The following FOXN3 variants were observed in gnomAD, a reference collection of about 807,000 sequenced individuals.
FOXN3 encodes forkhead box protein N3.
Under a neutral mutation model 38.4 loss-of-function variants are expected in FOXN3, and 7 were observed. The observed-to-expected ratio is 0.18, with a 90% CI of 0.10 to 0.34. The LOEUF (loss-of-function observed/expected upper bound fraction) is 0.34. FOXN3 is among the 10% of genes least tolerant of loss of function. The pLI is 1.00. For missense variants in FOXN3, 456 were observed against 613.4 expected (o/e 0.74, Z 2.71); for synonymous variants, 230 against 242.2 (o/e 0.95, Z 0.47).
At position 89,450,221 on chromosome 14, in the gene FOXN3, A is replaced by T. The variant is rs536145412; in HGVS notation, c.-14-37731T>A. 2.0e-5 allele frequency among the ~76,000 whole-genome samples: 3 copies of T among 152,262 alleles called. No homozygotes were observed. In the East Asian group the frequency reaches 5.8e-4, roughly 29 times the overall value. ...CCTACCCTTACATGAGCCTTCCCCA[A>T]TGTTGTTGTACCTGAATCTCTGTCT... is the stretch of plus-strand genomic sequence containing the variant. On this transcript the variant is annotated intron_variant, in intron 1 of 6. Coordinates refer to the FOXN3 transcript ENST00000345097.
rs1336626510 is a variant in FOXN3, at chr14:89,280,987, G to A, written c.708C>T (p.Gly236=). The A allele has an allele frequency of 1.9e-6, 3 of 1,613,846 alleles. No homozygotes were observed. In the South Asian group the frequency reaches 3.3e-5, roughly 18 times the overall value. The change falls in exon 4 of 6, where the codon GGC becomes GGT. Residue 236 remains glycine (G), a synonymous_variant. Coordinates refer to ENST00000557258, the MANE Select transcript of FOXN3 (RefSeq NM_005197.4). The stretch of plus-strand genomic sequence containing the variant: ...CTCCATTTCTCTTGAAGAAGGTACT[G>A]CCCGGCCAGATGGGTGGACCTGATG... ...QSTSGPPIWP[G]STFFKRNGAL...
rs1294900149 is a variant in FOXN3 at position 89,370,182 on chromosome 14, T to C, written c.544-19374A>G. 6.6e-5 allele frequency among the ~76,000 whole-genome samples: 10 copies of C among 152,344 alleles called. No homozygotes were observed. The South Asian group carries it at 1.9e-3, about 28-fold the overall frequency. ...TGTGCTGCTGGCATGTGACCACATA[T>C]GCAGAAAAAAAATCATCTGTTTGTA... On this transcript the variant is annotated intron_variant, in intron 2 of 5. Transcript: ENST00000557258.
At chr14:89,248,547 G>A (rs1016270503) in intron 4 of FOXN3, among the ~76,000 whole-genome samples, 2 of 152,202 alleles carry the variant, frequency 1.3e-5, no homozygotes, top group African/African-American at 4.8e-5. Flanking sequence ...CAGAAATGAT[G>A]CCCTGGGGGG....
chr14:89,180,592 T>C (rs909496498), intron 5 of FOXN3, 109 bp downstream of exon 5: 3 of 687,260 alleles, frequency 4.4e-6, no homozygotes, highest in Non-Finnish European at 6.9e-6. Context: ...GGTTTATTGC[T>C]GTCACTAGTT....
intron 4 of FOXN3, among the ~76,000 whole-genome samples, chr14:89,223,986 G>A (rs1412925474): frequency 6.6e-6 from 1 of 151,724 alleles, no homozygotes; most frequent in Non-Finnish European, 1.5e-5. Flanking sequence ...TATTTATAAC[G>A]ATTAAGAGAA....
chr14:89,555,876 T>TGGGGGGGGGG (rs1566698429), intron 1 of FOXN3, among the ~76,000 whole-genome samples: 1 of 108,516 alleles, frequency 9.2e-6, no homozygotes, highest in Non-Finnish European at 2.0e-5. Flanking sequence ...TGTGTGTGTG[T>TGGGGGGGGGG]ATGTGGGGGT....
chr14:89,404,209 G>A (rs1891324329), intron 2 of FOXN3, among the ~76,000 whole-genome samples: 1 of 152,034 alleles, frequency 6.6e-6, no homozygotes, highest in East Asian at 1.9e-4. Context: ...AGTCTGGAAG[G>A]AACAAATCAG....
intron 1 of FOXN3, among the ~76,000 whole-genome samples, chr14:89,567,094 C>T (rs1238997907): frequency 3.3e-5 from 5 of 152,186 alleles, no homozygotes. Flanking sequence ...CATCCAGGTG[C>T]GTTCCCTAAA....
chr14:89,316,721 A>C (rs1887729623), intron 3 of FOXN3, among the ~76,000 whole-genome samples: 1 of 146,666 alleles, frequency 6.8e-6, no homozygotes, highest in Non-Finnish European at 1.5e-5. Flanking sequence ...GCTGGAGTGC[A>C]ATGGTGCGAT....
Position 89,360,563 on chromosome 14 carries a change from G to GGAAA in FOXN3, c.544-9756_544-9755insTTTC, listed in dbSNP as rs1555421073. 5.0e-5 allele frequency among the ~76,000 whole-genome samples: 7 copies of GGAAA among 139,914 alleles called. No individual in the cohort carries two copies. In the Admixed American group the frequency reaches 5.1e-4, roughly 10 times the overall value. The allele number at this position is 139,914 out of a possible 152,430, so 91.8% of individuals were successfully genotyped here. A position where few individuals can be genotyped will look rare whatever the true frequency, so the allele number is the denominator to read the frequency against. On this transcript the variant is annotated intron_variant, in intron 2 of 5. Coordinates refer to ENST00000557258, the MANE Select transcript of FOXN3 (RefSeq NM_005197.4). ...CAGAGGGAGTGACGGAAGGAGGTGA[G>GGAAA]GAGAGAGAGAGAGAGAAGAAGAAAG...
chr14:89,333,990 AT>A (rs1813721223), intron 3 of FOXN3, among the ~76,000 whole-genome samples: 1 of 90,774 alleles, frequency 1.1e-5, no homozygotes, highest in Non-Finnish European at 2.0e-5. Context: ...ATATATATAT[AT>A]ATATATATAT....
intron 2 of FOXN3, among the ~76,000 whole-genome samples, chr14:89,383,036 T>TG (rs1357538150): frequency 3.4e-5 from 5 of 148,746 alleles, no homozygotes; most frequent in African/African-American, 1.2e-4. Context: ...GGTGTTTTTT[T>TG]TTTTTTTTTT....
chr14:89,201,501 T>G (rs1888233413), intron 4 of FOXN3, among the ~76,000 whole-genome samples: 1 of 152,240 alleles, frequency 6.6e-6, no homozygotes, highest in East Asian at 1.9e-4. Context: ...GGAACAGGAA[T>G]GGAGACTCCC....
chr14:89,277,493 T>C (rs1886333996), intron 4 of FOXN3, among the ~76,000 whole-genome samples: 1 of 152,186 alleles, frequency 6.6e-6, no homozygotes, highest in Admixed American at 6.5e-5. Flanking sequence ...AAATGACCAA[T>C]TATGTTAAGT....
At chr14:89,517,956 C>T (rs1894239381) in intron 1 of FOXN3, among the ~76,000 whole-genome samples, 1 of 152,162 alleles carries the variant, frequency 6.6e-6, no homozygotes, top group Admixed American at 6.5e-5. Flanking sequence ...AATTTGTACA[C>T]ATCCAATTAT....
intron 4 of FOXN3, among the ~76,000 whole-genome samples, chr14:89,253,712 T>G (rs1033350305): frequency 2.0e-5 from 3 of 152,026 alleles, no homozygotes; most frequent in African/African-American, 7.3e-5. Context: ...ATCTTTGGCC[T>G]CCTCCTCCTC....
At chr14:89,352,053 T>C (rs1240344392) in intron 2 of FOXN3, among the ~76,000 whole-genome samples, 1 of 152,194 alleles carries the variant, frequency 6.6e-6, no homozygotes, top group East Asian at 1.9e-4. Flanking sequence ...CTCTTTCTGG[T>C]GCAATGAGAA....
chr14:89,218,763 G>A (rs1884363839), intron 4 of FOXN3, among the ~76,000 whole-genome samples: 1 of 152,204 alleles, frequency 6.6e-6, no homozygotes, highest in African/African-American at 2.4e-5. Flanking sequence ...TCTAGGGAAA[G>A]TGACTCAAAA....
intron 2 of FOXN3, among the ~76,000 whole-genome samples, chr14:89,398,253 C>T (rs891500623): frequency 1.3e-5 from 2 of 152,180 alleles, no homozygotes; most frequent in South Asian, 4.1e-4. Context: ...ATTATATTTT[C>T]CCCTATTTTG....
Sources: gnomAD v4.1 joint callset for allele counts (sites outside exome capture counted in the v4.1 genomes callset) on GRCh38, gnomAD v4.1.1 for gene constraint, MANE v1.5 for transcripts, NCBI Gene and HGNC (gene_info 2026-07-23, HGNC 2026-07-21) for gene names.